XKR9: variants seen among roughly 807,000 people sequenced by gnomAD.
The protein encoded by XKR9 is XK related 9.
In XKR9, 32 loss-of-function variants were observed where a neutral mutation model predicts 32.0. That is an observed-to-expected ratio of 1.00 (90% CI 0.76 to 1.34). The LOEUF (loss-of-function observed/expected upper bound fraction) is 1.34, where lower values mean the gene tolerates loss of function less well. Ranked by LOEUF, XKR9 falls within the 40% of genes most tolerant of loss-of-function variation. The pLI is 0.00. For missense variants in XKR9, 546 were observed against 429.7 expected (o/e 1.27, Z -2.39); for synonymous variants, 168 against 143.4 (o/e 1.17, Z -1.22).
intron 2 of XKR9, among the ~76,000 whole-genome samples, chr8:70,767,219 C>T (rs151147111): frequency 5.9e-5 from 9 of 152,200 alleles, no homozygotes; most frequent in Non-Finnish European, 1.2e-4. Flanking sequence ...GCTGTGAATC[C>T]GTCTGGACCT....
chr8:70,883,499 T>TG, the XKR9 span, among the ~76,000 whole-genome samples: 2 of 152,130 alleles, frequency 1.3e-5, no homozygotes, highest in Non-Finnish European at 2.9e-5. Flanking sequence ...TACCCAGTAG[T>TG]GGGATTGCTA....
chr8:71,041,825 T>C, the XKR9 span, among the ~76,000 whole-genome samples: 1 of 152,194 alleles, frequency 6.6e-6, no homozygotes, highest in Non-Finnish European at 1.5e-5. Flanking sequence ...TCCGTCATGA[T>C]TGTAAGTTCC....
At chr8:70,927,442 A>G in the XKR9 span, among the ~76,000 whole-genome samples, 1 of 152,150 alleles carries the variant, frequency 6.6e-6, no homozygotes, top group South Asian at 2.1e-4. Context: ...ATTTATAAAT[A>G]ATAGAAACTT....
intron 2 of XKR9, among the ~76,000 whole-genome samples, chr8:70,764,118 C>A (rs1013786839): frequency 9.2e-5 from 14 of 152,148 alleles, no homozygotes; most frequent in African/African-American, 3.4e-4. Flanking sequence ...TGACTGCTGT[C>A]TTGGGATCTT....
At chr8:71,049,492 G>A in the XKR9 span, among the ~76,000 whole-genome samples, 3 of 152,230 alleles carry the variant, frequency 2.0e-5, no homozygotes, top group Non-Finnish European at 4.4e-5. Flanking sequence ...ATCTGATGGT[G>A]AGGGGAAGGT....
At chr8:70,926,375 C>T in the XKR9 span, among the ~76,000 whole-genome samples, 1 of 152,154 alleles carries the variant, frequency 6.6e-6, no homozygotes, top group Non-Finnish European at 1.5e-5. Flanking sequence ...CTGGCCATAA[C>T]CAATTTCTTA....
At chr8:70,893,025 G>A in the XKR9 span, among the ~76,000 whole-genome samples, 1 of 151,746 alleles carries the variant, frequency 6.6e-6, no homozygotes, top group Non-Finnish European at 1.5e-5. Flanking sequence ...TTTTCTTCAT[G>A]TTTTTTTCAT....
At chr8:70,892,791 A>G in the XKR9 span, among the ~76,000 whole-genome samples, 140 of 152,102 alleles carry the variant, frequency 9.2e-4, 1 homozygote, top group Non-Finnish European at 1.8e-3. Flanking sequence ...ACTTTTGATG[A>G]TTTGACTATA....
Position 70,726,945 on chromosome 8 carries a change from T to G in XKR9, c.494-6851T>G, listed in dbSNP as rs1806489722. 3.9e-5 allele frequency among the ~76,000 whole-genome samples: 6 copies of G among 152,222 alleles called. No homozygotes were observed. In the South Asian group the frequency reaches 1.2e-3, roughly 32 times the overall value. On this transcript the variant is annotated intron_variant, in intron 4 of 4. Transcript: ENST00000408926. ...GATGGGAAATCATTAGACATCCACC[T>G]TACAGTCCTGATTTGGATTTTTCTG... is the stretch of plus-strand genomic sequence containing the variant.
At chr8:70,865,448 G>T in the XKR9 span, among the ~76,000 whole-genome samples, 21 of 150,146 alleles carry the variant, frequency 1.4e-4, 1 homozygote, top group African/African-American at 4.6e-4. Flanking sequence ...CCGGTGTAAG[G>T]TTCTGAGTCT....
At chr8:70,740,694 C>G (rs1478973062), downstream of XKR9, among the ~76,000 whole-genome samples, 1 of 152,156 alleles carries the variant, frequency 6.6e-6, no homozygotes, top group African/African-American at 2.4e-5. Context: ...AGACAGGACC[C>G]TCAGCTGCAG....
At chr8:70,906,779 C>T in the XKR9 span, among the ~76,000 whole-genome samples, 1 of 152,062 alleles carries the variant, frequency 6.6e-6, no homozygotes, top group South Asian at 2.1e-4. Flanking sequence ...TTAATATTGG[C>T]ATCTATGTAA....
chr8:70,755,065 A>C (rs1031882501), intron 2 of XKR9, among the ~76,000 whole-genome samples: 1 of 152,328 alleles, frequency 6.6e-6, no homozygotes, highest in East Asian at 1.9e-4. Flanking sequence ...ACAAATTTAC[A>C]AGAAAAAAAC....
At chr8:70,711,638 G>A (rs1384140826) in intron 4 of XKR9, among the ~76,000 whole-genome samples, 1 of 150,360 alleles carries the variant, frequency 6.7e-6, no homozygotes, top group Non-Finnish European at 1.5e-5. Context: ...GATGCAGGGT[G>A]GGAAGAGGGT....
At chr8:70,833,455 G>C in the XKR9 span, among the ~76,000 whole-genome samples, 5 of 152,012 alleles carry the variant, frequency 3.3e-5, no homozygotes, top group Admixed American at 1.3e-4. Flanking sequence ...TTAAGTATCA[G>C]AAATGAAAGG....
the XKR9 span, among the ~76,000 whole-genome samples, chr8:70,872,817 C>A: frequency 6.6e-6 from 1 of 151,938 alleles, no homozygotes; most frequent in Non-Finnish European, 1.5e-5. Context: ...TGTGCCACCA[C>A]GCCCAGCTAA....
chr8:70,878,010 A>G, the XKR9 span, among the ~76,000 whole-genome samples: 3 of 152,216 alleles, frequency 2.0e-5, no homozygotes, highest in Non-Finnish European at 4.4e-5. Context: ...AATATTCAAC[A>G]TTCTTAACAA....
chr8:70,746,165 A>G (rs1807056358), intron 2 of XKR9, among the ~76,000 whole-genome samples: 2 of 150,758 alleles, frequency 1.3e-5, no homozygotes, highest in Admixed American at 1.3e-4. Context: ...ATAAATATAT[A>G]ATTATATGTT....
At chr8:70,775,962 T>C (rs954517520) in intron 2 of XKR9, among the ~76,000 whole-genome samples, 1 of 152,080 alleles carries the variant, frequency 6.6e-6, no homozygotes, top group Admixed American at 6.6e-5. Flanking sequence ...CCCTGCCTGA[T>C]CTCAAACTCC....
Sources: allele counts gnomAD v4.1 joint callset (sites outside exome capture counted in the v4.1 genomes callset), GRCh38; gene constraint gnomAD v4.1.1; transcripts MANE v1.5; gene names NCBI Gene and HGNC (gene_info 2026-07-23, HGNC 2026-07-21).